SHQ1: variants seen among roughly 807,000 people sequenced by gnomAD.
SHQ1 encodes SHQ1, H/ACA ribonucleoprotein assembly factor, also known as protein SHQ1 homolog.
A neutral mutation model predicts 53.8 loss-of-function variants in SHQ1; 49 were observed. That is an observed-to-expected ratio of 0.91 (90% CI 0.72 to 1.16). The LOEUF is 1.16. Among genes scored for constraint, SHQ1 ranks in the 50% most tolerant of loss-of-function variants. The pLI is 0.00. For missense variants in SHQ1, 738 were observed against 683.1 expected (o/e 1.08, Z -0.90); for synonymous variants, 243 against 251.0 (o/e 0.97, Z 0.30).
intron 10 of SHQ1, 109 bp downstream of exon 10, chr3:72,792,807 A>AC: frequency 3.7e-6 from 3 of 809,760 alleles, no homozygotes; most frequent in Admixed American, 3.3e-5. Flanking sequence ...AAAAAAAAAA[A>AC]AAAACACAAC....
chr3:72,782,873 A>C (rs927453870), intron 10 of SHQ1, among the ~76,000 whole-genome samples: 5 of 152,230 alleles, frequency 3.3e-5, no homozygotes, highest in African/African-American at 1.2e-4. Flanking sequence ...TCTCTGAATA[A>C]GATGTTAAGA....
chr3:72,839,237 G>A, intron 4 of SHQ1, among the ~76,000 whole-genome samples: 1 of 152,146 alleles, frequency 6.6e-6, no homozygotes, highest in East Asian at 1.9e-4. Flanking sequence ...AAAACAGCCT[G>A]ACCACAAACT....
chr3:72,745,379 G>A (rs367702834), downstream of SHQ1, among the ~76,000 whole-genome samples: 19 of 152,204 alleles, frequency 1.2e-4, no homozygotes, highest in Admixed American at 9.8e-4. Context: ...CTTAGTTACC[G>A]GCACCTAAAA....
intron 10 of SHQ1, chr3:72,772,831 G>A (rs1705883595): frequency 3.9e-6 from 3 of 769,634 alleles, no homozygotes; most frequent in Non-Finnish European, 7.3e-6. Context: ...AGAGAAGAAT[G>A]AGCCTATATC....
intron 10 of SHQ1, among the ~76,000 whole-genome samples, chr3:72,791,756 T>C (rs1399972915): frequency 2.4e-4 from 36 of 152,144 alleles, no homozygotes. Context: ...CTCACTATGT[T>C]GCCCAGGCTG....
chr3:72,780,621 C>T (rs1289670135), intron 10 of SHQ1, among the ~76,000 whole-genome samples: 2 of 152,168 alleles, frequency 1.3e-5, no homozygotes, highest in African/African-American at 4.8e-5. Context: ...TCAAAAGTGA[C>T]ATCCACAAAG....
chr3:72,831,879 C>T (rs1366575073), intron 5 of SHQ1, among the ~76,000 whole-genome samples: 1 of 152,132 alleles, frequency 6.6e-6, no homozygotes, highest in Non-Finnish European at 1.5e-5. Context: ...TTATTCTCTA[C>T]CACGAAGAAT....
chr3:72,828,042 C>T (rs935831704), intron 5 of SHQ1, among the ~76,000 whole-genome samples: 1 of 152,146 alleles, frequency 6.6e-6, no homozygotes, highest in African/African-American at 2.4e-5. Context: ...GCGTGAGCCA[C>T]CATGCCCCGC....
At chr3:72,809,145 G>A (rs938651559) in intron 9 of SHQ1, among the ~76,000 whole-genome samples, 1 of 152,106 alleles carries the variant, frequency 6.6e-6, no homozygotes, top group Non-Finnish European at 1.5e-5. Context: ...GCAGGACAGA[G>A]CAACATGGGG....
the SHQ1 span, among the ~76,000 whole-genome samples, chr3:72,738,858 C>G: frequency 1.3e-5 from 2 of 152,172 alleles, no homozygotes; most frequent in African/African-American, 2.4e-5. Flanking sequence ...TGGGCCCCGC[C>G]CCGCCCGGTC....
At chr3:72,806,909 C>T (rs1706964822) in intron 9 of SHQ1, among the ~76,000 whole-genome samples, 1 of 152,150 alleles carries the variant, frequency 6.6e-6, no homozygotes, top group Non-Finnish European at 1.5e-5. Context: ...TACTGATGGA[C>T]ATCTTAGCTC....
At chr3:72,820,647 T>C (rs1253104779) in intron 6 of SHQ1, among the ~76,000 whole-genome samples, 1 of 152,208 alleles carries the variant, frequency 6.6e-6, no homozygotes, top group African/African-American at 2.4e-5. Flanking sequence ...CCAACAATGC[T>C]TGGATGATTG....
intron 10 of SHQ1, chr3:72,753,398 GGTGCCTGCAT>G: frequency 2.0e-6 from 2 of 985,340 alleles, no homozygotes; most frequent in African/African-American, 1.7e-5. Flanking sequence ...TTTTAATCTG[GGTGCCTGCAT>G]GTACCTGAAA....
chr3:72,826,058 A>G (rs906340207), intron 5 of SHQ1, among the ~76,000 whole-genome samples: 1 of 152,220 alleles, frequency 6.6e-6, no homozygotes, highest in Non-Finnish European at 1.5e-5. Flanking sequence ...AGTTCAGAGA[A>G]CAAGTAAAAA....
At chr3:72,726,541 G>A in the SHQ1 span, among the ~76,000 whole-genome samples, 5 of 152,178 alleles carry the variant, frequency 3.3e-5, no homozygotes, top group African/African-American at 9.6e-5. Flanking sequence ...TAGTAGCAAC[G>A]GGGTTTTGCC....
intron 4 of SHQ1, among the ~76,000 whole-genome samples, chr3:72,837,122 C>T (rs896200975): frequency 6.6e-6 from 1 of 152,090 alleles, no homozygotes; most frequent in Non-Finnish European, 1.5e-5. Context: ...CCACCACTGC[C>T]AGAAGCTTGT....
Position 72,841,122 on chromosome 3 carries a change from C to T in SHQ1, c.409G>A (p.Val137Ile), listed in dbSNP as rs776646031. 3 of 1,614,022 alleles carry T rather than the reference C, an allele frequency of 1.9e-6. No individual in the cohort carries two copies. The Admixed American group carries it at 5.0e-5, about 27-fold the overall frequency. The change falls in exon 4 of 11, where the codon GTA (valine) becomes ATA (isoleucine). Residue 137 changes from valine to isoleucine, a missense_variant. Physicochemically the swap from Val to Ile is conservative, Grantham distance 29. Transcript: ENST00000325599. ...WEIEQTPCEE[V>I]SESALNPQCH... is the part of the protein sequence containing the mutation. ...TGCGGATTCAAAGCACTTTCTGATA[C>T]CTCTTCACAGGGTGTCTGCTCAATT...
chr3:72,725,475 T>C, the SHQ1 span, among the ~76,000 whole-genome samples: 1 of 152,062 alleles, frequency 6.6e-6, no homozygotes, highest in Non-Finnish European at 1.5e-5. Flanking sequence ...TGTCCCCTCA[T>C]CTCCTCAGAG....
intron 10 of SHQ1, among the ~76,000 whole-genome samples, chr3:72,789,486 C>G (rs192103262): frequency 4.7e-4 from 71 of 152,252 alleles, no homozygotes; most frequent in Non-Finnish European, 2.4e-4. Context: ...AGGGTCAGAA[C>G]TATCACTGCT....
Sources: gnomAD v4.1 joint callset for allele counts (sites outside exome capture counted in the v4.1 genomes callset) on GRCh38, gnomAD v4.1.1 for gene constraint, MANE v1.5 for transcripts, NCBI Gene and HGNC (gene_info 2026-07-23, HGNC 2026-07-21) for gene names.